Variants in TMEM132C observed in about 807,000 individuals in gnomAD.
The protein encoded by TMEM132C is transmembrane protein 132C.
TMEM132C carries 29 observed loss-of-function variants against 61.4 expected under a neutral mutation model. The ratio of observed to expected loss-of-function variants is 0.47; its 90% CI spans 0.35 to 0.64. The LOEUF (loss-of-function observed/expected upper bound fraction) is 0.64. Ranked by LOEUF, TMEM132C falls within the 30% of genes least tolerant of loss-of-function variation. The pLI is 0.00. For missense variants in TMEM132C, 1,408 were observed against 1,476.9 expected, an observed-to-expected ratio of 0.95 and a Z score of 0.76; for synonymous variants, 656 against 633.1, an observed-to-expected ratio of 1.04 and a Z score of -0.54.
At chr12:128,594,982 G>A (rs1236678956) in intron 3 of TMEM132C, among the ~76,000 whole-genome samples, 4 of 152,200 alleles carry the variant, frequency 2.6e-5, no homozygotes, top group African/African-American at 9.7e-5. Flanking sequence ...AAGGGAACGA[G>A]CTTCGGTGGT....
chr12:128,558,951 A>C (rs906186105), intron 3 of TMEM132C, among the ~76,000 whole-genome samples: 1 of 152,226 alleles, frequency 6.6e-6, no homozygotes, highest in Admixed American at 6.5e-5. Flanking sequence ...AATGTAATAC[A>C]TTTACATAGT....
intron 2 of TMEM132C, among the ~76,000 whole-genome samples, chr12:128,434,694 C>T (rs187571213): frequency 3.0e-4 from 45 of 152,232 alleles, no homozygotes; most frequent in Admixed American, 9.8e-4. Context: ...CCTCTGCCTC[C>T]GGGGTTCAAG....
At chr12:128,500,412 G>A (rs7980486) in intron 2 of TMEM132C, among the ~76,000 whole-genome samples, 54,936 of 151,380 alleles carry the variant, frequency 0.36, 10,148 homozygotes, top group East Asian at 0.57. Flanking sequence ...GAGACAACCT[G>A]CAGAATGGTA....
intron 4 of TMEM132C, among the ~76,000 whole-genome samples, chr12:128,659,923 C>G (rs570638843): frequency 3.3e-5 from 5 of 152,304 alleles, no homozygotes; most frequent in African/African-American, 1.2e-4. Flanking sequence ...GAGTAAGAAC[C>G]AGGGGCTGGA....
At chr12:128,494,246 G>T (rs1478001072) in intron 2 of TMEM132C, among the ~76,000 whole-genome samples, 4 of 152,146 alleles carry the variant, frequency 2.6e-5, no homozygotes, top group South Asian at 2.1e-4. Flanking sequence ...GCTGGATTCG[G>T]TTTGCCAGTA....
chr12:128,681,356 C>T (rs961364547), intron 5 of TMEM132C, among the ~76,000 whole-genome samples: 1 of 151,952 alleles, frequency 6.6e-6, no homozygotes, highest in Non-Finnish European at 1.5e-5. Context: ...AGAGTGGCAC[C>T]GATGGGTCTG....
At chr12:128,346,183 T>C (rs1473081932) in intron 1 of TMEM132C, among the ~76,000 whole-genome samples, 1 of 152,190 alleles carries the variant, frequency 6.6e-6, no homozygotes, top group Non-Finnish European at 1.5e-5. Flanking sequence ...TTGCTTGTTT[T>C]TGTAAGGTTT....
intron 1 of TMEM132C, among the ~76,000 whole-genome samples, chr12:128,358,297 T>C (rs1873584214): frequency 6.6e-6 from 1 of 152,162 alleles, no homozygotes; most frequent in Non-Finnish European, 1.5e-5. Context: ...CTTTAAATCT[T>C]TAATACCTGC....
At chr12:128,323,811 C>A (rs143120675) in intron 1 of TMEM132C, among the ~76,000 whole-genome samples, 3 of 152,018 alleles carry the variant, frequency 2.0e-5, no homozygotes, top group Non-Finnish European at 4.4e-5. Context: ...TTTGAGGGGA[C>A]GCTTGGGTAC....
intron 1 of TMEM132C, among the ~76,000 whole-genome samples, chr12:128,398,159 A>T (rs773892191): frequency 6.6e-6 from 1 of 152,268 alleles, no homozygotes; most frequent in South Asian, 2.1e-4. Context: ...GCCTGGCTCA[A>T]GCCATGGAGG....
chr12:128,613,447 A>G (rs1876701846), intron 3 of TMEM132C, among the ~76,000 whole-genome samples: 2 of 152,198 alleles, frequency 1.3e-5, no homozygotes, highest in Non-Finnish European at 2.9e-5. Flanking sequence ...GTGGTCAAGA[A>G]CCACCTGTGG....
intron 2 of TMEM132C, among the ~76,000 whole-genome samples, chr12:128,539,516 G>A (rs1352138202): frequency 1.3e-5 from 2 of 152,202 alleles, no homozygotes; most frequent in Non-Finnish European, 2.9e-5. Flanking sequence ...TACCCGGGAG[G>A]CTGAGGCAGG....
chr12:128,685,707 G>A (rs995859583), intron 5 of TMEM132C, among the ~76,000 whole-genome samples: 2 of 152,156 alleles, frequency 1.3e-5, no homozygotes, highest in African/African-American at 4.8e-5. Context: ...CTCCCTGAGT[G>A]CAGAGCCAGC....
rs537305221 is a variant in TMEM132C at position 128,600,137 on chromosome 12, T to C, written c.1122-16015T>C. Among the ~76,000 whole-genome samples the C allele has an allele frequency of 1.9e-3, 285 of 152,164 alleles. 1 individual carries two copies. Among genetic ancestry groups the C allele is most frequent in the Non-Finnish European group, 2.1e-3 (143 of 67,974 alleles). ...AGCTGGGACTACAGACGCCCGCCAC[T>C]GCGCCCGGCTAATTTTTTGTATTTT... On this transcript the variant is annotated intron_variant, in intron 3 of 8. Coordinates refer to ENST00000435159, the MANE Select transcript of TMEM132C (RefSeq NM_001136103.3).
chr12:128,373,857 G>A (rs1874100408), intron 1 of TMEM132C, among the ~76,000 whole-genome samples: 1 of 152,084 alleles, frequency 6.6e-6, no homozygotes, highest in African/African-American at 2.4e-5. Context: ...GAGATGCAGG[G>A]GCAAGGCCAG....
At chr12:128,389,523 A>G (rs1258272481) in intron 1 of TMEM132C, among the ~76,000 whole-genome samples, 2 of 152,184 alleles carry the variant, frequency 1.3e-5, no homozygotes, top group Non-Finnish European at 2.9e-5. Flanking sequence ...CATAGGTACC[A>G]TGCTAGCAGG....
intron 4 of TMEM132C, among the ~76,000 whole-genome samples, chr12:128,620,232 C>CAAAAA (rs386378194): frequency 3.1e-4 from 19 of 61,966 alleles, no homozygotes; most frequent in African/African-American, 9.5e-4. Context: ...GACCCTGTCT[C>CAAAAA]AAAAAAAAAA....
intron 2 of TMEM132C, among the ~76,000 whole-genome samples, chr12:128,458,439 C>A (rs1239708515): frequency 6.6e-6 from 1 of 152,098 alleles, no homozygotes; most frequent in East Asian, 1.9e-4. Context: ...TGCTCACATA[C>A]CATCCAGCTG....
chr12:128,600,931 A>AT (rs1261744166), intron 3 of TMEM132C, among the ~76,000 whole-genome samples: 1 of 152,256 alleles, frequency 6.6e-6, no homozygotes, highest in Admixed American at 6.5e-5. Context: ...GCTACCACAG[A>AT]GACCCTCAAC....
Sources: allele counts gnomAD v4.1 joint callset (sites outside exome capture counted in the v4.1 genomes callset), GRCh38; gene constraint gnomAD v4.1.1; transcripts MANE v1.5; gene names NCBI Gene and HGNC (gene_info 2026-07-23, HGNC 2026-07-21).